The following RAD51C variants were observed in gnomAD, a reference collection of about 807,000 sequenced individuals.
RAD51C encodes RAD51 paralog C.
In RAD51C, 42 loss-of-function variants were observed where a neutral mutation model predicts 45.0. That is an observed-to-expected ratio of 0.93 (90% CI 0.73 to 1.21). The LOEUF (loss-of-function observed/expected upper bound fraction) is 1.21, where lower values mean the gene tolerates loss of function less well. RAD51C is among the 50% of genes most tolerant of loss of function. The probability of loss-of-function intolerance (pLI) is 0.00; values close to 1 mark genes in which losing one functional copy is unlikely to be tolerated. For synonymous variants in RAD51C, 172 were observed against 159.8 expected, an observed-to-expected ratio of 1.08 and a Z score of -0.58; for missense variants, 474 against 452.2, an observed-to-expected ratio of 1.05 and a Z score of -0.44.
At chr17:58,701,939 A>G (rs1031014080) in intron 3 of RAD51C, among the ~76,000 whole-genome samples, 3 of 152,072 alleles carry the variant, frequency 2.0e-5, no homozygotes, top group Non-Finnish European at 2.9e-5. Flanking sequence ...AAATTATACT[A>G]TAGCATTCAA....
chr17:58,728,476 C>A (rs2049264045), intron 7 of RAD51C, among the ~76,000 whole-genome samples: 1 of 149,782 alleles, frequency 6.7e-6, no homozygotes, highest in Non-Finnish European at 1.5e-5. Context: ...CAGCTCACTG[C>A]AACCTCAACC....
rs1325614104 is a variant in RAD51C, at chr17:58,709,134, G to A, written c.706-725G>A. 3.2e-5 allele frequency among the ~76,000 whole-genome samples: 4 copies of A among 126,510 alleles called. No homozygotes were observed. The Admixed American group carries it at 3.8e-4, about 12-fold the overall frequency. The allele number at this position is 126,510 out of a possible 152,430, so 83.0% of individuals were successfully genotyped here. ...TTTTGAGACAAAGTCTCACTCTGTC[G>A]CCCAGGCTGGAGTACAGTGGCGCAA... On this transcript the variant is annotated intron_variant, in intron 4 of 8. Coordinates refer to ENST00000337432, the MANE Select transcript of RAD51C (RefSeq NM_058216.3).
At chr17:58,710,852 G>A (rs527867562) in intron 5 of RAD51C, among the ~76,000 whole-genome samples, 62 of 152,042 alleles carry the variant, frequency 4.1e-4, no homozygotes, top group Non-Finnish European at 7.1e-4. Context: ...TTCCCACCCT[G>A]AATCCACATC....
intron 5 of RAD51C, among the ~76,000 whole-genome samples, chr17:58,720,209 C>T (rs1443681120): frequency 6.7e-6 from 1 of 149,980 alleles, no homozygotes. Context: ...GTCAGGAGAT[C>T]GCGACCATCC....
rs2047940709 is a variant in RAD51C, at chr17:58,694,945, A to T, written c.160A>T (p.Lys54Ter). ...TTTACTTTCAGAAGTTGGGATATCT[A>T]AAGCAGAAGCCTTAGAAACTCTGCA... ...SELSKEVGIS[K>*]AEALETLQII... is the part of the protein sequence containing the mutation. Residue 54 changes from lysine (K) to a stop codon, truncating the protein, a stop_gained, in exon 2 of 9, where the codon AAA becomes TAA. Coordinates refer to ENST00000337432, the MANE Select transcript of RAD51C (RefSeq NM_058216.3). LOFTEE classifies it high-confidence loss of function. The T allele has an allele frequency of 3.7e-6, 6 of 1,613,762 alleles. No individual in the cohort carries two copies. The highest frequency in any genetic ancestry group is 5.1e-6 in the Non-Finnish European group (6 of 1,179,656).
rs267606999 is a variant in RAD51C, at chr17:58,696,702, G to C, written c.414G>C (p.Leu138Phe). 6.8e-6 allele frequency: 11 copies of C among 1,614,040 alleles called. No homozygotes were observed. Among genetic ancestry groups the C allele is most frequent in the Admixed American group, 1.7e-5 (1 of 60,000 alleles). Reference protein sequence around the residue: ...GVGKTQLCMQLAVDVQIPECF... With the variant: ...GVGKTQLCMQFAVDVQIPECF... ...ATCTTTCTGTTGACAGTATGCAGTTGGCAGTAGATGTGCAGATACCAGAAT... is the reference window on the plus strand; with the variant it reads ...ATCTTTCTGTTGACAGTATGCAGTTCGCAGTAGATGTGCAGATACCAGAAT... Residue 138 changes from leucine to phenylalanine, a missense_variant, in exon 3 of 9, where the codon TTG becomes TTC. Leu to Phe is a conservative substitution (Grantham distance 22). Transcript: ENST00000337432.
At chr17:58,731,585 T>C (rs1315985038) in intron 7 of RAD51C, among the ~76,000 whole-genome samples, 4 of 152,192 alleles carry the variant, frequency 2.6e-5, no homozygotes, top group Non-Finnish European at 4.4e-5. Context: ...GGTTTTTGTT[T>C]ATATTTGTTG....
intron 7 of RAD51C, among the ~76,000 whole-genome samples, chr17:58,727,424 A>G (rs1341695230): frequency 3.9e-5 from 6 of 152,132 alleles, no homozygotes; most frequent in Non-Finnish European, 7.4e-5. Context: ...GCACTCGGCC[A>G]TAGCTGACTT....
At chr17:58,728,297 T>G (rs1328746503) in intron 7 of RAD51C, among the ~76,000 whole-genome samples, 1 of 151,914 alleles carries the variant, frequency 6.6e-6, no homozygotes, top group Non-Finnish European at 1.5e-5. Flanking sequence ...TTTTAAATTT[T>G]AGGTTATTTT....
At chr17:58,708,424 T>TC (rs1468024546) in intron 4 of RAD51C, among the ~76,000 whole-genome samples, 4 of 152,016 alleles carry the variant, frequency 2.6e-5, no homozygotes, top group Non-Finnish European at 5.9e-5. Context: ...TACTATATCA[T>TC]CCCCAATGCC....
chr17:58,726,013 A>C (rs1598515781), intron 7 of RAD51C, among the ~76,000 whole-genome samples: 1 of 151,556 alleles, frequency 6.6e-6, no homozygotes, highest in African/African-American at 2.4e-5. Flanking sequence ...AAAAAAAAAA[A>C]AAACAAGAAA....
intron 4 of RAD51C, among the ~76,000 whole-genome samples, chr17:58,703,862 C>T (rs1416960435): frequency 6.7e-6 from 1 of 149,238 alleles, no homozygotes; most frequent in Non-Finnish European, 1.5e-5. Context: ...GTGGAGCAGG[C>T]CTGAGGTGGG....
chr17:58,707,385 G>A (rs1283926860), intron 4 of RAD51C, among the ~76,000 whole-genome samples: 1 of 152,128 alleles, frequency 6.6e-6, no homozygotes, highest in Admixed American at 6.6e-5. Flanking sequence ...GCTGGGTGTG[G>A]TGGCGTGTGC....
At chr17:58,695,691 A>G (rs1337096930) in intron 2 of RAD51C, among the ~76,000 whole-genome samples, 1 of 151,794 alleles carries the variant, frequency 6.6e-6, no homozygotes, top group Non-Finnish European at 1.5e-5. Flanking sequence ...AGGCTGAGGC[A>G]GGAGGATAGC....
chr17:58,696,619 C>T (rs1230532174), intron 2 of RAD51C, 74 bp from the exon 3 acceptor site: 1 of 1,580,136 alleles, frequency 6.3e-7, no homozygotes, highest in Admixed American at 1.7e-5. Context: ...CCTAACTTGT[C>T]ATTATCTGGA....
intron 6 of RAD51C, among the ~76,000 whole-genome samples, chr17:58,722,988 G>A (rs2048973826): frequency 6.6e-6 from 1 of 152,166 alleles, no homozygotes; most frequent in Non-Finnish European, 1.5e-5. Flanking sequence ...AGCTGAGTGG[G>A]ACTGAAAAGT....
At chr17:58,704,657 C>G (rs931815806) in intron 4 of RAD51C, among the ~76,000 whole-genome samples, 1 of 151,986 alleles carries the variant, frequency 6.6e-6, no homozygotes, top group African/African-American at 2.4e-5. Context: ...TGATTTGAAC[C>G]CAGTCTCTCT....
intron 7 of RAD51C, among the ~76,000 whole-genome samples, chr17:58,730,241 T>G (rs1332554467): frequency 6.7e-6 from 1 of 149,086 alleles, no homozygotes; most frequent in East Asian, 2.0e-4. Flanking sequence ...CTCGGCTCAC[T>G]GCAACCTCCA....
At chr17:58,722,352 T>G (rs1216392057) in intron 6 of RAD51C, among the ~76,000 whole-genome samples, 2 of 152,230 alleles carry the variant, frequency 1.3e-5, no homozygotes, top group Non-Finnish European at 2.9e-5. Context: ...TGGTCAGTTA[T>G]GATAGAAGTG....
Sources: gnomAD v4.1 joint callset for allele counts (sites outside exome capture counted in the v4.1 genomes callset) on GRCh38, gnomAD v4.1.1 for gene constraint, MANE v1.5 for transcripts, NCBI Gene and HGNC (gene_info 2026-07-23, HGNC 2026-07-21) for gene names.